Variants in WDPCP observed in about 807,000 individuals in gnomAD.
WDPCP encodes the protein WD repeat-containing and planar cell polarity effector protein fritz homolog.
In WDPCP, 71 loss-of-function variants were observed where a neutral mutation model predicts 93.1. The observed-to-expected ratio is 0.76, with a 90% confidence interval of 0.63 to 0.93. The LOEUF is 0.93. Among genes scored for constraint, WDPCP ranks in the 40% least tolerant of loss-of-function variants. The pLI is 0.00. For missense variants in WDPCP, 844 were observed against 887.4 expected, an observed-to-expected ratio of 0.95 and a Z score of 0.62; for synonymous variants, 315 against 315.0, an observed-to-expected ratio of 1.00 and a Z score of 0.00.
At chr2:63,515,999 G>A (rs907774862) in intron 1 of WDPCP, among the ~76,000 whole-genome samples, 10 of 147,184 alleles carry the variant, frequency 6.8e-5, no homozygotes, top group Non-Finnish European at 1.0e-4. Flanking sequence ...CAGCCTGTGC[G>A]ATACAGCCAG....
At position 63,452,590 on chromosome 2, in the gene WDPCP, T is replaced by A. The variant is rs564637464; in HGVS notation, c.385-12719A>T. Among the ~76,000 whole-genome samples, 16 of 152,292 alleles carry A rather than the reference T, an allele frequency of 1.1e-4. 1 individual carries two copies. The highest frequency in any genetic ancestry group is 3.6e-4 in the African/African-American group (15 of 41,574). On this transcript the variant is annotated intron_variant, in intron 6 of 17. Transcript: ENST00000272321. ...CTTTCTTCACAGAATTGGAAAAAAC[T>A]ACTTTAAAGTTCATATGGAACCAAA...
intron 7 of WDPCP, chr2:63,438,044 G>T: frequency 8.0e-7 from 1 of 1,249,222 alleles, no homozygotes; most frequent in Non-Finnish European, 1.0e-6. Flanking sequence ...ATACAAGCTG[G>T]ATGAAATAAA....
At chr2:63,288,539 C>A (rs760365540) in intron 13 of WDPCP, among the ~76,000 whole-genome samples, 2 of 152,144 alleles carry the variant, frequency 1.3e-5, no homozygotes, top group African/African-American at 2.4e-5. Context: ...CTCAAAGATA[C>A]AGAAAAGTTT....
intron 2 of WDPCP, among the ~76,000 whole-genome samples, chr2:63,670,037 T>C (rs564064158): frequency 1.3e-5 from 2 of 152,318 alleles, no homozygotes; most frequent in East Asian, 3.9e-4. Context: ...GTTAAGAAAA[T>C]GATAATAATT....
chr2:63,122,545 GA>G (rs1364307643), intron 17 of WDPCP, among the ~76,000 whole-genome samples: 2 of 152,140 alleles, frequency 1.3e-5, no homozygotes, highest in Non-Finnish European at 2.9e-5. Context: ...AAGCTGCAAA[GA>G]AATATTAACA....
intron 10 of WDPCP, among the ~76,000 whole-genome samples, chr2:63,401,029 A>C (rs1694108167): frequency 6.6e-6 from 1 of 152,156 alleles, no homozygotes; most frequent in Non-Finnish European, 1.5e-5. Context: ...TAAAACCCAA[A>C]ATCATAAAAA....
At chr2:63,350,731 G>A (rs1399996492) in intron 12 of WDPCP, among the ~76,000 whole-genome samples, 1 of 151,868 alleles carries the variant, frequency 6.6e-6, no homozygotes, top group East Asian at 1.9e-4. Context: ...CTTAGTGTAG[G>A]GATTATGTAA....
intron 2 of WDPCP, among the ~76,000 whole-genome samples, chr2:63,690,571 T>C (rs541885163): frequency 7.9e-5 from 12 of 151,956 alleles, no homozygotes; most frequent in Admixed American, 3.9e-4. Flanking sequence ...CTGGGCAACA[T>C]AGCAAGATCT....
At chr2:63,712,893 T>G (rs1456184091) in intron 2 of WDPCP, among the ~76,000 whole-genome samples, 4 of 152,194 alleles carry the variant, frequency 2.6e-5, no homozygotes, top group Non-Finnish European at 5.9e-5. Flanking sequence ...CAAGAGCATG[T>G]GACTCAGGCA....
In WDPCP at chr2:63,437,694, T is replaced by C. The variant is rs556416407; in HGVS notation, c.500-140A>G. On this transcript the variant is annotated intron_variant, in intron 7 of 17. Transcript: ENST00000272321. ...TCTCTTGAATATCATTATAGCATTTTATAAAAATATTAAAGATATTAGGAA... is the reference window on the plus strand; with the variant it reads ...TCTCTTGAATATCATTATAGCATTTCATAAAAATATTAAAGATATTAGGAA... 122 of 1,040,272 alleles carry C rather than the reference T, an allele frequency of 1.2e-4. 2 individuals are homozygous for C. In the South Asian group the frequency reaches 1.5e-3, roughly 12 times the overall value. The allele number at this position is 1,040,272 out of a possible 1,614,324, so 64.4% of individuals were successfully genotyped here.
At chr2:63,212,108 A>G (rs894142510) in intron 14 of WDPCP, among the ~76,000 whole-genome samples, 1 of 152,190 alleles carries the variant, frequency 6.6e-6, no homozygotes, top group Admixed American at 6.5e-5. Context: ...AAATTAAGGA[A>G]ATACAGAGAA....
chr2:63,430,661 A>T (rs892413299), intron 9 of WDPCP, among the ~76,000 whole-genome samples: 1 of 152,200 alleles, frequency 6.6e-6, no homozygotes, highest in South Asian at 2.1e-4. Flanking sequence ...AGGCGGGCAG[A>T]TCATGAGGTC....
At chr2:63,372,783 C>T (rs1412269983) in intron 12 of WDPCP, among the ~76,000 whole-genome samples, 4 of 152,058 alleles carry the variant, frequency 2.6e-5, no homozygotes, top group Non-Finnish European at 5.9e-5. Context: ...ATATTGATCT[C>T]TAGTAATCTC....
chr2:63,324,497 T>G (rs572423483), intron 12 of WDPCP, among the ~76,000 whole-genome samples: 2 of 152,266 alleles, frequency 1.3e-5, no homozygotes, highest in South Asian at 4.2e-4. Flanking sequence ...TTAAAGCAGA[T>G]CAAGGCAGAC....
At chr2:63,749,040 T>G (rs1669839676) in intron 2 of WDPCP, among the ~76,000 whole-genome samples, 2 of 152,120 alleles carry the variant, frequency 1.3e-5, no homozygotes, top group African/African-American at 2.4e-5. Flanking sequence ...TTTCAGCAAC[T>G]ATTTTTACCT....
intron 2 of WDPCP, among the ~76,000 whole-genome samples, chr2:63,668,913 T>C (rs1445045540): frequency 3.9e-5 from 6 of 152,246 alleles, no homozygotes; most frequent in African/African-American, 1.4e-4. Context: ...TTAGGGACAC[T>C]AAATTGCTTT....
intron 15 of WDPCP, among the ~76,000 whole-genome samples, chr2:63,158,338 A>G (rs1672405646): frequency 6.6e-6 from 1 of 152,150 alleles, no homozygotes; most frequent in African/African-American, 2.4e-5. Flanking sequence ...TTCAAATGCA[A>G]ATGTAGATTT....
At chr2:63,811,040 A>T (rs930305480) in intron 2 of WDPCP, among the ~76,000 whole-genome samples, 1 of 152,208 alleles carries the variant, frequency 6.6e-6, no homozygotes, top group Non-Finnish European at 1.5e-5. Flanking sequence ...ACTAACTCAT[A>T]AACACTTTGA....
chr2:63,594,211 T>C (rs1406264502), intron 3 of WDPCP: 2 of 542,822 alleles, frequency 3.7e-6, no homozygotes, highest in African/African-American at 1.9e-5. Context: ...CACATCAACA[T>C]TGTTGAGCCT....
Sources: gnomAD v4.1 joint callset for allele counts (sites outside exome capture counted in the v4.1 genomes callset) on GRCh38, gnomAD v4.1.1 for gene constraint, MANE v1.5 for transcripts, NCBI Gene and HGNC (gene_info 2026-07-23, HGNC 2026-07-21) for gene names.